Variants in PARP11 observed in about 807,000 individuals in gnomAD.
PARP11 encodes protein mono-ADP-ribosyltransferase PARP11.
A neutral mutation model predicts 42.9 loss-of-function variants in PARP11; 31 were observed. That is an observed-to-expected ratio of 0.72 (90% CI 0.54 to 0.98). The LOEUF (loss-of-function observed/expected upper bound fraction) is 0.98. PARP11 is among the 50% of genes least tolerant of loss of function. PARP11 has a pLI of 0.00. For missense variants in PARP11, 365 were observed against 413.1 expected, an observed-to-expected ratio of 0.88 and a Z score of 1.01; for synonymous variants, 137 against 127.3, an observed-to-expected ratio of 1.08 and a Z score of -0.51.
At chr12:3,834,249 G>A (rs984248891) in intron 1 of PARP11, among the ~76,000 whole-genome samples, 3 of 152,306 alleles carry the variant, frequency 2.0e-5, no homozygotes, top group African/African-American at 7.2e-5. Context: ...GGGTAAAGAC[G>A]AGCCATAAGG....
At chr12:3,825,720 TA>T (rs1947504569) in intron 4 of PARP11, among the ~76,000 whole-genome samples, 1 of 152,168 alleles carries the variant, frequency 6.6e-6, no homozygotes, top group South Asian at 2.1e-4. Context: ...GATATTTTTT[TA>T]ATTAATTAGT....
chr12:3,839,878 G>A lies in PARP11; in HGVS notation c.19-9860C>T, dbSNP rs1947850760. 6.5e-6 allele frequency: 7 copies of A among 1,068,706 alleles called. No homozygotes were observed. The East Asian group carries it at 1.2e-4, about 18-fold the overall frequency. 66.2% of individuals were successfully genotyped at this position (1,068,706 alleles called of 1,614,324 possible). A position where few individuals can be genotyped will look rare whatever the true frequency, so the allele number is the denominator to read the frequency against. On this transcript the variant is annotated intron_variant, in intron 1 of 7. Coordinates refer to ENST00000228820, the MANE Select transcript of PARP11 (RefSeq NM_020367.6). ...TGTGATGGAACTAGACACGTTGGAA[G>A]TAGCTGATGAAGACAACAGTGAAAT...
chr12:3,830,049 A>T, intron 1 of PARP11, 31 bp from the exon 2 acceptor site: 3 of 1,601,194 alleles, frequency 1.9e-6, no homozygotes, highest in Non-Finnish European at 2.6e-6. Context: ...GGAGGAAGAA[A>T]TAATTCTATT....
In PARP11 at chr12:3,829,999, T is replaced by C; in HGVS notation, c.38A>G (p.Glu13Gly). The part of the protein sequence containing the change: ...EANPEMFHKA[E>G]ELFSKTTNNE... The stretch of plus-strand genomic sequence containing the variant: ...GTTTGTTGTTTTAGAAAATAATTCT[T>C]CTGCTTTGTGAAACATCTCCTGAAA... The change falls in exon 2 of 8, where the codon GAA becomes GGA. Residue 13 changes from glutamate to glycine, a missense_variant. Glu to Gly is a moderately conservative substitution (Grantham distance 98, BLOSUM62 -2). Coordinates refer to ENST00000228820, the MANE Select transcript of PARP11 (RefSeq NM_020367.6). 6.2e-7 allele frequency: 1 copy of C among 1,613,824 alleles called. No homozygotes were observed. The highest frequency in any genetic ancestry group is 8.5e-7 in the Non-Finnish European group (1 of 1,179,714).
In PARP11 at chr12:3,812,061, A is replaced by G; in HGVS notation, c.*62T>C. 7.9e-7 allele frequency: 1 copy of G among 1,272,846 alleles called. No homozygotes were observed. Among genetic ancestry groups the G allele is most frequent in the East Asian group, 2.3e-5 (1 of 42,826 alleles). The allele number at this position is 1,272,846 out of a possible 1,614,324, so 78.8% of individuals were successfully genotyped here. On this transcript the variant is annotated 3_prime_UTR_variant, in exon 8 of 8. Coordinates refer to ENST00000228820, the MANE Select transcript of PARP11 (RefSeq NM_020367.6). Reference sequence around the variant, plus strand: ...TAACATTTAGTGGCTAGATGACTGAAGAGCAAACCTTCCTGCAAAAAAGAA... The same window carrying G: ...TAACATTTAGTGGCTAGATGACTGAGGAGCAAACCTTCCTGCAAAAAAGAA...
In PARP11 at chr12:3,828,902, A is replaced by G. The variant is rs1947582204; in HGVS notation, c.268+8T>C. 1 of 1,613,022 alleles carries G rather than the reference A, an allele frequency of 6.2e-7. No homozygotes were observed. Among genetic ancestry groups the G allele is most frequent in the African/African-American group, 1.3e-5 (1 of 74,878 alleles). ...AAAAACACACAACTATTAGGGAAAA[A>G]AACATACCTGCAAAGTCTATCTTGT... On this transcript the variant is annotated splice_region_variant and intron_variant, in intron 3 of 7. Transcript: ENST00000228820.
intron 4 of PARP11, among the ~76,000 whole-genome samples, chr12:3,824,968 A>C (rs1219094930): frequency 6.6e-6 from 1 of 152,252 alleles, no homozygotes; most frequent in Non-Finnish European, 1.5e-5. Flanking sequence ...TGATGCTAAA[A>C]TAAAACCAAA....
chr12:3,850,984 G>A (rs868202170), intron 1 of PARP11, among the ~76,000 whole-genome samples: 3 of 152,184 alleles, frequency 2.0e-5, no homozygotes, highest in East Asian at 3.8e-4. Context: ...GTATTGAAAG[G>A]ATAGTCCATC....
At chr12:3,833,070 C>T (rs1039917975) in intron 1 of PARP11, among the ~76,000 whole-genome samples, 1 of 152,192 alleles carries the variant, frequency 6.6e-6, no homozygotes, top group Non-Finnish European at 1.5e-5. Flanking sequence ...GAAAATAAGG[C>T]TGCCTTCCAG....
chr12:3,857,455 T>A (rs1421293161), intron 1 of PARP11, among the ~76,000 whole-genome samples: 2 of 152,100 alleles, frequency 1.3e-5, no homozygotes, highest in African/African-American at 4.8e-5. Context: ...GACATTATTA[T>A]CCTAGAAAGA....
chr12:3,854,824 C>CA lies in PARP11; in HGVS notation c.18+18387dup, dbSNP rs928340639. ...ATACCAAAGCCTGGCAGAGAAACAACAAAAAAAAAGAGAATTTTAGACCAA... is the reference window on the plus strand; with the variant it reads ...ATACCAAAGCCTGGCAGAGAAACAACAAAAAAAAAAGAGAATTTTAGACCAA... On this transcript the variant is annotated intron_variant, in intron 1 of 7. Transcript: ENST00000228820. Among the ~76,000 whole-genome samples the CA allele has an allele frequency of 2.9e-4, 43 of 150,542 alleles. 1 individual carries two copies. The South Asian group carries it at 3.4e-3, about 12-fold the overall frequency.
At chr12:3,837,607 C>T (rs1398449413) in intron 1 of PARP11, among the ~76,000 whole-genome samples, 8 of 151,382 alleles carry the variant, frequency 5.3e-5, no homozygotes, top group Admixed American at 5.3e-4. Context: ...AAATAATAAC[C>T]CTGAATGCAA....
In PARP11 at chr12:3,829,961, C is replaced by A. The variant is rs1467529318; in HGVS notation, c.76G>T (p.Asp26Tyr). Reference sequence around the variant, plus strand: ...CACTGGGTATCTGACGTGTCCATGTCATCCACTTCATTGTTTGTTGTTTTA... The same window carrying A: ...CACTGGGTATCTGACGTGTCCATGTAATCCACTTCATTGTTTGTTGTTTTA... Reference protein sequence around the residue: ...FSKTTNNEVDDMDTSDTQWGW... With the variant: ...FSKTTNNEVDYMDTSDTQWGW... The change falls in exon 2 of 8, where the codon GAC (aspartate) becomes TAC (tyrosine). Residue 26 changes from aspartate (D) to tyrosine (Y), a missense_variant. Physicochemically the swap from Asp to Tyr is radical, Grantham distance 160. Coordinates refer to ENST00000228820, the MANE Select transcript of PARP11 (RefSeq NM_020367.6). 3 of 1,613,728 alleles carry A rather than the reference C, an allele frequency of 1.9e-6. No individual in the cohort carries two copies. The highest frequency in any genetic ancestry group is 2.5e-6 in the Non-Finnish European group (3 of 1,179,626).
chr12:3,861,808 A>T lies in PARP11; in HGVS notation c.18+11404T>A, dbSNP rs1476195604. Among the ~76,000 whole-genome samples the T allele has an allele frequency of 6.6e-6, 1 of 151,706 alleles. No homozygotes were observed. Among genetic ancestry groups the T allele is most frequent in the Non-Finnish European group, 1.5e-5 (1 of 67,918 alleles). On this transcript the variant is annotated intron_variant, in intron 1 of 7. Coordinates refer to ENST00000228820, the MANE Select transcript of PARP11 (RefSeq NM_020367.6). This position sits in a 1 kb window ranked among gnomAD's most constrained non-coding sequence, Gnocchi z 4.6. ...GGGAGGCCGAGGCGGGCGGATCACGAGGTCAGGAGATTGAGACCATCCTGG... is the reference window on the plus strand; with the variant it reads ...GGGAGGCCGAGGCGGGCGGATCACGTGGTCAGGAGATTGAGACCATCCTGG...
intron 1 of PARP11, among the ~76,000 whole-genome samples, chr12:3,831,646 C>T (rs1009085939): frequency 1.2e-4 from 18 of 152,104 alleles, no homozygotes; most frequent in Admixed American, 9.2e-4. Context: ...TGTTTGGAAA[C>T]TCAAGCAATG....
At chr12:3,836,944 A>C (rs1437093303) in intron 1 of PARP11, among the ~76,000 whole-genome samples, 1 of 152,204 alleles carries the variant, frequency 6.6e-6, no homozygotes, top group Non-Finnish European at 1.5e-5. Context: ...CTTTCCCACC[A>C]TCTTGGGTTC....
Position 3,826,173 on chromosome 12 carries a change from G to A in PARP11, c.329C>T (p.Ser110Phe). ...KQRLIKRAPF[S>F]ISAFSYICEN... ...TTTACCATACCTGAAAGCACTGATA[G>A]AAAAGGGGGCTCTTTTTATTAAGCG... The change falls in exon 4 of 8, where the codon TCT becomes TTT. Residue 110 changes from serine (S) to phenylalanine (F), a missense_variant. Physicochemically the swap from Ser to Phe is radical, Grantham distance 155. Transcript: ENST00000228820. 6.3e-7 allele frequency: 1 copy of A among 1,594,372 alleles called. No homozygotes were observed. The highest frequency in any genetic ancestry group is 8.5e-7 in the Non-Finnish European group (1 of 1,173,466).
At chr12:3,816,405 G>A (rs1202744089) in intron 6 of PARP11, among the ~76,000 whole-genome samples, 1 of 152,118 alleles carries the variant, frequency 6.6e-6, no homozygotes, top group East Asian at 1.9e-4. Flanking sequence ...CATGCCTTTC[G>A]AGTTACTCTT....
At position 3,840,731 on chromosome 12, in the gene PARP11, C is replaced by A; in HGVS notation, c.19-10713G>T. On this transcript the variant is annotated intron_variant, in intron 1 of 7. Coordinates refer to ENST00000228820, the MANE Select transcript of PARP11 (RefSeq NM_020367.6). The surrounding 1 kb of genome is among the most constrained non-coding windows in gnomAD (Gnocchi z 4.4). ...AGAACGAAAAGACAAAGACTCTATTCATGGACATAGTTGGATAAAAGACCC... is the reference window on the plus strand; with the variant it reads ...AGAACGAAAAGACAAAGACTCTATTAATGGACATAGTTGGATAAAAGACCC... The A allele has an allele frequency of 7.7e-7, 1 of 1,296,666 alleles. No individual in the cohort carries two copies. The highest frequency in any genetic ancestry group is 1.1e-6 in the Non-Finnish European group (1 of 890,348). 80.3% of individuals were successfully genotyped at this position (1,296,666 alleles called of 1,614,324 possible).
Sources: gnomAD v4.1 joint callset for allele counts (sites outside exome capture counted in the v4.1 genomes callset) on GRCh38, gnomAD v4.1.1 for gene constraint, Gnocchi (gnomAD v3.1) non-coding constraint, MANE v1.5 for transcripts, NCBI Gene and HGNC (gene_info 2026-07-23, HGNC 2026-07-21) for gene names.